Variants in ADAM9 observed in about 807,000 individuals in gnomAD.
The protein encoded by ADAM9 is disintegrin and metalloproteinase domain-containing protein 9.
In ADAM9, 54 loss-of-function variants were observed where a neutral mutation model predicts 108.1. The ratio of observed to expected loss-of-function variants is 0.50; its 90% CI spans 0.40 to 0.63. ADAM9 has a LOEUF of 0.63. Ranked by LOEUF, ADAM9 falls within the 20% of genes least tolerant of loss-of-function variation. The probability of loss-of-function intolerance (pLI) is 0.00; values close to 1 mark genes in which losing one functional copy is unlikely to be tolerated. For missense variants in ADAM9, 830 were observed against 997.7 expected, an observed-to-expected ratio of 0.83 and a Z score of 2.26; for synonymous variants, 316 against 336.0, an observed-to-expected ratio of 0.94 and a Z score of 0.65.
chr8:39,023,121 C>G (rs1836800029), intron 8 of ADAM9, 35 bp from the exon 9 acceptor site: 1 of 1,564,580 alleles, frequency 6.4e-7, no homozygotes, highest in Non-Finnish European at 8.7e-7. Context: ...ACGTTCTTTA[C>G]TATATTTTAT....
intron 21 of ADAM9, among the ~76,000 whole-genome samples, chr8:39,102,536 G>C (rs1275072737): frequency 6.6e-6 from 1 of 152,112 alleles, no homozygotes; most frequent in African/African-American, 2.4e-5. Flanking sequence ...TCTGTGCTGG[G>C]ACCCAGAAGT....
chr8:39,028,719 A>G (rs1564267897), intron 11 of ADAM9, among the ~76,000 whole-genome samples: 1 of 152,198 alleles, frequency 6.6e-6, no homozygotes, highest in African/African-American at 2.4e-5. Context: ...AGTGAGTTAG[A>G]TCGACTCACC....
chr8:39,008,287 C>A (rs770672080), intron 2 of ADAM9, among the ~76,000 whole-genome samples: 21 of 151,982 alleles, frequency 1.4e-4, no homozygotes, highest in Non-Finnish European at 1.9e-4. Context: ...TCTCCTGCCT[C>A]AGCCTTCTGA....
intron 11 of ADAM9, among the ~76,000 whole-genome samples, chr8:39,030,627 G>A (rs1003743970): frequency 1.3e-5 from 2 of 152,208 alleles, no homozygotes; most frequent in African/African-American, 4.8e-5. Context: ...TGCGATTGCT[G>A]GATCATATGT....
chr8:38,997,223 G>A (rs2129430231), intron 1 of ADAM9, 63 bp downstream of exon 1: 10 of 1,525,056 alleles, frequency 6.6e-6, no homozygotes, highest in Non-Finnish European at 8.8e-6. Flanking sequence ...CGCTCGGAGT[G>A]AACCTGTGGT....
chr8:39,055,146 T>TA (rs1838077346), intron 13 of ADAM9, among the ~76,000 whole-genome samples: 2 of 152,300 alleles, frequency 1.3e-5, no homozygotes, highest in South Asian at 4.1e-4. Flanking sequence ...TACTTCCAGT[T>TA]ACTGCTTATA....
In ADAM9 at chr8:39,082,971, T is replaced by C; in HGVS notation, c.1966T>C (p.Cys656Arg). Residue 656 changes from cysteine to arginine, a missense_variant, in exon 18 of 22, where the codon TGT becomes CGT. Cys to Arg is a radical substitution (Grantham distance 180). Coordinates refer to ENST00000487273, the MANE Select transcript of ADAM9 (RefSeq NM_003816.3). The part of the protein sequence containing the change: ...VQKKCHGHGV[C>R]NSNKNCHCEN... ...TGGTATTTTGATTGTTTTGAAGGTA[T>C]GTAATAGCAATAAGAATTGTCACTG... 1 of 1,612,460 alleles carries C rather than the reference T, an allele frequency of 6.2e-7. No individual in the cohort carries two copies.
At chr8:39,048,638 T>C (rs1837852656) in intron 12 of ADAM9, among the ~76,000 whole-genome samples, 1 of 152,194 alleles carries the variant, frequency 6.6e-6, no homozygotes, top group African/African-American at 2.4e-5. Context: ...TGATCTTCTA[T>C]CTAGATGTTT....
intron 21 of ADAM9, 146 bp from the exon 22 acceptor site, chr8:39,103,461 A>G (rs1187590355): frequency 1.9e-5 from 14 of 748,834 alleles, no homozygotes; most frequent in Non-Finnish European, 3.0e-5. Flanking sequence ...GCCATTGAAT[A>G]TCACCCTAAT....
chr8:39,034,010 C>T (rs1055727211), intron 11 of ADAM9, among the ~76,000 whole-genome samples: 2 of 152,090 alleles, frequency 1.3e-5, no homozygotes, highest in Non-Finnish European at 2.9e-5. Context: ...ACAACAACAA[C>T]AACAAAATCT....
At chr8:39,057,642 A>G (rs1838168747) in intron 14 of ADAM9, among the ~76,000 whole-genome samples, 1 of 152,098 alleles carries the variant, frequency 6.6e-6, no homozygotes, top group South Asian at 2.1e-4. Flanking sequence ...TTCCAAAGGC[A>G]GGAAAAAAGC....
At chr8:39,045,042 G>GTATGTGTATGTGTGTGTGCATACATACA (rs1564296354) in intron 12 of ADAM9, among the ~76,000 whole-genome samples, 4 of 54,922 alleles carry the variant, frequency 7.3e-5, no homozygotes, top group Non-Finnish European at 1.3e-4. Flanking sequence ...ACATACATAT[G>GTATGTGTATGTGTGTGTGCATACATACA]TATGTGTATG....
intron 11 of ADAM9, among the ~76,000 whole-genome samples, chr8:39,034,480 T>C (rs998379054): frequency 6.6e-6 from 1 of 152,218 alleles, no homozygotes; most frequent in African/African-American, 2.4e-5. Context: ...TCTTTGGTCC[T>C]CTTGCATCTC....
At position 39,026,752 on chromosome 8, in the gene ADAM9, G is replaced by A; in HGVS notation, c.1072G>A (p.Asp358Asn). The A allele has an allele frequency of 6.2e-7, 1 of 1,614,156 alleles. No individual in the cohort carries two copies. The highest frequency in any genetic ancestry group is 8.5e-7 in the Non-Finnish European group (1 of 1,180,018). The change falls in exon 11 of 22, where the codon GAT becomes AAT. Residue 358 changes from aspartate to asparagine, a missense_variant. By Grantham distance (23) the Asp-to-Asn change is conservative. This residue lies in a region of ADAM9 where 381 missense variants were observed against 539.8 expected (regional missense o/e 0.71). Transcript: ENST00000487273. ...GGGTCATAATCTTGGAATGAATCACGATGATGGGAGAGATTGTTCCTGTGG... is the reference window on the plus strand; with the variant it reads ...GGGTCATAATCTTGGAATGAATCACAATGATGGGAGAGATTGTTCCTGTGG... ...ELGHNLGMNH[D>N]DGRDCSCGAK...
intron 14 of ADAM9, among the ~76,000 whole-genome samples, chr8:39,064,448 G>A (rs1182858089): frequency 6.6e-6 from 1 of 152,084 alleles, no homozygotes; most frequent in African/African-American, 2.4e-5. Flanking sequence ...TTTATTATAA[G>A]CAATTGGCTC....
chr8:39,018,778 A>G (rs1836633312), intron 6 of ADAM9, 75 bp from the exon 7 acceptor site: 4 of 1,236,552 alleles, frequency 3.2e-6, no homozygotes, highest in East Asian at 4.7e-5. Context: ...GACATGAAAT[A>G]AGTGATGAGA....
chr8:39,021,956 C>G (rs1434121799), intron 8 of ADAM9, among the ~76,000 whole-genome samples: 2 of 152,052 alleles, frequency 1.3e-5, no homozygotes, highest in South Asian at 4.1e-4. Context: ...TTCAGAGTTG[C>G]TAGGCTTAGG....
At chr8:39,054,345 A>T in intron 12 of ADAM9, 136 bp from the exon 13 acceptor site, 1 of 743,060 alleles carries the variant, frequency 1.3e-6, no homozygotes, top group Non-Finnish European at 2.3e-6. Context: ...CAGAAACAGT[A>T]AGCAACTGTT....
rs573440537 is a variant in ADAM9, at chr8:39,082,036, A to G, written c.1882-605A>G. ...AGTAGCTAGGATTCATTTCTGTTTC[A>G]TATCTCATCATATGAACTAGAATTT... On this transcript the variant is annotated intron_variant, in intron 16 of 21. Transcript: ENST00000487273. 2.6e-5 allele frequency among the ~76,000 whole-genome samples: 4 copies of G among 152,244 alleles called. No homozygotes were observed. In the East Asian group the frequency reaches 5.8e-4, roughly 22 times the overall value.
Sources: gnomAD v4.1 joint callset for allele counts (sites outside exome capture counted in the v4.1 genomes callset) on GRCh38, gnomAD v4.1.1 for gene constraint, gnomAD v4.1.1 regional missense constraint, MANE v1.5 for transcripts, NCBI Gene and HGNC (gene_info 2026-07-23, HGNC 2026-07-21) for gene names.